SNTG1: variants seen among roughly 807,000 people sequenced by gnomAD.
SNTG1 encodes gamma-1-syntrophin.
SNTG1 carries 39 observed loss-of-function variants against 74.7 expected under a neutral mutation model. The ratio of observed to expected loss-of-function variants is 0.52; its 90% CI spans 0.40 to 0.68. The LOEUF (loss-of-function observed/expected upper bound fraction) is 0.68, where lower values mean the gene tolerates loss of function less well. Ranked by LOEUF, SNTG1 falls within the 30% of genes least tolerant of loss-of-function variation. The pLI is 0.00. For missense variants in SNTG1, 685 were observed against 609.5 expected (o/e 1.12, Z -1.30); for synonymous variants, 254 against 217.1 (o/e 1.17, Z -1.49).
At chr8:50,308,072 C>T (rs2089970756) in intron 2 of SNTG1, among the ~76,000 whole-genome samples, 1 of 151,956 alleles carries the variant, frequency 6.6e-6, no homozygotes, top group East Asian at 1.9e-4. Context: ...TAAGTTCACT[C>T]ACTCCAGTGA....
Position 50,472,838 on chromosome 8 carries a change from A to C in SNTG1, c.363+22109A>C, listed in dbSNP as rs138170553. Among the ~76,000 whole-genome samples the C allele has an allele frequency of 3.3e-3, 506 of 152,240 alleles. 2 individuals are homozygous for C. The highest frequency in any genetic ancestry group is 5.4e-3 in the Non-Finnish European group (368 of 68,012). On this transcript the variant is annotated intron_variant, in intron 8 of 18. Transcript: ENST00000642720. ...TTAACAACAACAACAACAACAACAA[A>C]AAACCTTACCCAATTAAAAACTGTC...
At chr8:50,009,514 G>A (rs1016120253) in intron 1 of SNTG1, among the ~76,000 whole-genome samples, 1 of 152,060 alleles carries the variant, frequency 6.6e-6, no homozygotes, top group Admixed American at 6.6e-5. Context: ...GGGGTTTTGT[G>A]GTGCCGTTTA....
rs558638562 is a variant in SNTG1, at chr8:50,332,932, C to T, written c.-27-61280C>T. Among the ~76,000 whole-genome samples, 15 of 152,250 alleles carry T rather than the reference C, an allele frequency of 9.9e-5. No individual in the cohort carries two copies. The South Asian group carries it at 2.3e-3, about 23-fold the overall frequency. ...CAGAACCAATGTAATCATTGGAGCACGTTTATTTCTTCTTTGTTCTCACAT... is the reference window on the plus strand; with the variant it reads ...CAGAACCAATGTAATCATTGGAGCATGTTTATTTCTTCTTTGTTCTCACAT... On this transcript the variant is annotated intron_variant, in intron 2 of 18. Coordinates refer to ENST00000642720, the MANE Select transcript of SNTG1 (RefSeq NM_018967.5).
intron 15 of SNTG1, among the ~76,000 whole-genome samples, chr8:50,666,699 C>T (rs576513797): frequency 6.6e-6 from 1 of 152,114 alleles, no homozygotes; most frequent in East Asian, 1.9e-4. Flanking sequence ...TCCCTAAAGG[C>T]TACCAGGCTT....
At chr8:50,495,861 C>A (rs2093899135) in intron 8 of SNTG1, among the ~76,000 whole-genome samples, 1 of 152,142 alleles carries the variant, frequency 6.6e-6, no homozygotes, top group African/African-American at 2.4e-5. Flanking sequence ...GGTAGACACA[C>A]AAATGGCAGG....
chr8:50,357,782 G>A (rs2091858533), intron 2 of SNTG1, among the ~76,000 whole-genome samples: 1 of 152,034 alleles, frequency 6.6e-6, no homozygotes, highest in Admixed American at 6.6e-5. Context: ...ATTTTATCTT[G>A]TGTTACTTTA....
intron 2 of SNTG1, among the ~76,000 whole-genome samples, chr8:50,208,973 C>T (rs1156913781): frequency 1.3e-5 from 2 of 152,128 alleles, no homozygotes; most frequent in African/African-American, 2.4e-5. Flanking sequence ...TGGGAATTCC[C>T]TTTCCTAGCC....
intron 17 of SNTG1, among the ~76,000 whole-genome samples, chr8:50,726,717 C>T (rs568431672): frequency 2.6e-5 from 4 of 152,148 alleles, no homozygotes; most frequent in African/African-American, 9.6e-5. Context: ...GGTGTGGTGG[C>T]GGACGCCTGT....
intron 8 of SNTG1, among the ~76,000 whole-genome samples, chr8:50,463,112 G>A (rs1382618589): frequency 6.6e-6 from 1 of 152,112 alleles, no homozygotes; most frequent in East Asian, 1.9e-4. Flanking sequence ...ACCACGTCCA[G>A]CCCAGATTCT....
intron 1 of SNTG1, among the ~76,000 whole-genome samples, chr8:50,133,332 C>T (rs1283572578): frequency 6.6e-6 from 1 of 152,138 alleles, no homozygotes; most frequent in Non-Finnish European, 1.5e-5. Context: ...ATATTTCTAA[C>T]ATCAGTCTTG....
chr8:50,082,818 A>G (rs1461659710), intron 1 of SNTG1, among the ~76,000 whole-genome samples: 1 of 152,126 alleles, frequency 6.6e-6, no homozygotes, highest in Non-Finnish European at 1.5e-5. Context: ...ACTCCCATCA[A>G]TCAGGGATAT....
chr8:50,106,468 T>C (rs2080376440), intron 1 of SNTG1, among the ~76,000 whole-genome samples: 1 of 152,070 alleles, frequency 6.6e-6, no homozygotes, highest in Admixed American at 6.6e-5. Context: ...ATAGTGAGGG[T>C]TGGCCATCCT....
Position 50,122,370 on chromosome 8 carries a change from G to A in SNTG1, c.-102-50191G>A, listed in dbSNP as rs986527824. On this transcript the variant is annotated intron_variant, in intron 1 of 18. Coordinates refer to ENST00000642720, the MANE Select transcript of SNTG1 (RefSeq NM_018967.5). ...CAGCTGGGAGAAGTAGTGAAAGTGA[G>A]GGAGTGAGGTCCCTTTCAGGAGTTA... 4.9e-5 allele frequency among the ~76,000 whole-genome samples: 7 copies of A among 141,554 alleles called. 1 individual carries two copies. Among genetic ancestry groups the A allele is most frequent in the Non-Finnish European group, 1.1e-4 (7 of 63,706 alleles). The allele number at this position is 141,554 out of a possible 152,430, so 92.9% of individuals were successfully genotyped here.
chr8:50,174,100 T>A (rs989882360), intron 2 of SNTG1, among the ~76,000 whole-genome samples: 1 of 152,340 alleles, frequency 6.6e-6, no homozygotes, highest in Non-Finnish European at 1.5e-5. Context: ...TGGTTTTCTG[T>A]TCTTGTGTTA....
intron 2 of SNTG1, among the ~76,000 whole-genome samples, chr8:50,392,982 A>G (rs943174866): frequency 6.6e-6 from 1 of 152,148 alleles, no homozygotes; most frequent in African/African-American, 2.4e-5. Context: ...AATACATATC[A>G]AAATTTTCCT....
At position 50,089,804 on chromosome 8, in the gene SNTG1, C is replaced by T. The variant is rs372206520; in HGVS notation, c.-102-82757C>T. Among the ~76,000 whole-genome samples, 471 of 151,990 alleles carry T rather than the reference C, an allele frequency of 3.1e-3. 1 individual carries two copies. The highest frequency in any genetic ancestry group is 7.7e-3 in the African/African-American group (319 of 41,450). ...AGAAATAGGAACACTTTTACACTGT[C>T]GGTGGGACTGTAAACTAGTTCAACC... On this transcript the variant is annotated intron_variant, in intron 1 of 18. Coordinates refer to ENST00000642720, the MANE Select transcript of SNTG1 (RefSeq NM_018967.5).
intron 13 of SNTG1, among the ~76,000 whole-genome samples, chr8:50,627,464 T>G (rs2094964100): frequency 6.6e-6 from 1 of 152,134 alleles, no homozygotes; most frequent in South Asian, 2.1e-4. Flanking sequence ...GCAGACAAAG[T>G]GGGCCCAGCT....
At chr8:50,233,632 A>C (rs9918767) in intron 2 of SNTG1, among the ~76,000 whole-genome samples, 5,204 of 151,732 alleles carry the variant, frequency 0.034, 284 homozygotes, top group African/African-American at 0.11. Context: ...ACAAGCTGGC[A>C]AAAAATAGCT....
intron 2 of SNTG1, among the ~76,000 whole-genome samples, chr8:50,215,603 G>T (rs1391063246): frequency 4.6e-5 from 7 of 151,282 alleles, no homozygotes; most frequent in Non-Finnish European, 5.9e-5. Flanking sequence ...TAACAAAGGT[G>T]ATAAATTATA....
Sources: allele counts gnomAD v4.1 joint callset (sites outside exome capture counted in the v4.1 genomes callset), GRCh38; gene constraint gnomAD v4.1.1; transcripts MANE v1.5; gene names NCBI Gene and HGNC (gene_info 2026-07-23, HGNC 2026-07-21).